ADAM10: variants seen among roughly 807,000 people sequenced by gnomAD.
The protein encoded by ADAM10 is disintegrin and metalloproteinase domain-containing protein 10.
Under a neutral mutation model 90.1 loss-of-function variants are expected in ADAM10, and 17 were observed. That is an observed-to-expected ratio of 0.19 (90% confidence interval 0.13 to 0.28). The LOEUF is 0.28. Among genes scored for constraint, ADAM10 ranks in the 10% least tolerant of loss-of-function variants. The probability of loss-of-function intolerance (pLI) is 1.00; values close to 1 mark genes in which losing one functional copy is unlikely to be tolerated. For missense variants in ADAM10, 610 were observed against 914.3 expected (o/e 0.67, Z 4.29); for synonymous variants, 310 against 298.6 (o/e 1.04, Z -0.40).
chr15:58,742,611 A>C (rs1899651501), intron 1 of ADAM10, among the ~76,000 whole-genome samples: 1 of 152,204 alleles, frequency 6.6e-6, no homozygotes, highest in Non-Finnish European at 1.5e-5. Flanking sequence ...TCCTAATACT[A>C]ACGCAAAATC....
chr15:58,713,194 T>C (rs1898533329), intron 2 of ADAM10, among the ~76,000 whole-genome samples: 1 of 152,126 alleles, frequency 6.6e-6, no homozygotes, highest in African/African-American at 2.4e-5. Flanking sequence ...TCAACCTTCC[T>C]AGACTCAAGT....
intron 2 of ADAM10, among the ~76,000 whole-genome samples, chr15:58,695,352 G>A (rs937881712): frequency 6.6e-6 from 1 of 152,178 alleles, no homozygotes. Context: ...AACTTTTGCT[G>A]CCTATCATGT....
chr15:58,638,754 T>A (rs1185340938), intron 8 of ADAM10, among the ~76,000 whole-genome samples: 1 of 151,536 alleles, frequency 6.6e-6, no homozygotes, highest in African/African-American at 2.4e-5. Context: ...AAACACTGAG[T>A]GTCCCAAAAA....
intron 1 of ADAM10, among the ~76,000 whole-genome samples, chr15:58,730,683 G>A (rs930813088): frequency 3.3e-5 from 5 of 152,126 alleles, no homozygotes; most frequent in African/African-American, 7.2e-5. Flanking sequence ...TAGAGAGCTG[G>A]TAAAGCATTA....
In ADAM10 at chr15:58,633,335, T is replaced by C; in HGVS notation, c.1037A>G (p.Lys346Arg). 2 of 1,613,728 alleles carry C rather than the reference T, an allele frequency of 1.2e-6. No homozygotes were observed. The highest frequency in any genetic ancestry group is 1.7e-6 in the Non-Finnish European group (2 of 1,179,778). ...PSGSSGGICE[K>R]SKLYSDGKKK... is the part of the protein sequence containing the mutation. ...CTTACCATCTGAATAGAGTTTACTT[T>C]TTTCACATATTCCTCCAGAGCTTCC... Residue 346 changes from lysine to arginine, a missense_variant, in exon 9 of 16, where the codon AAA becomes AGA. Lys to Arg is a conservative substitution (Grantham distance 26). Coordinates refer to ENST00000260408, the MANE Select transcript of ADAM10 (RefSeq NM_001110.4).
chr15:58,599,393 G>C (rs774500848), intron 15 of ADAM10, among the ~76,000 whole-genome samples: 7 of 150,898 alleles, frequency 4.6e-5, no homozygotes, highest in Non-Finnish European at 8.8e-5. Context: ...CAGACACTCA[G>C]ATAAATTAGC....
intron 8 of ADAM10, among the ~76,000 whole-genome samples, chr15:58,638,487 C>T (rs892587240): frequency 2.6e-5 from 4 of 151,558 alleles, no homozygotes; most frequent in Non-Finnish European, 4.4e-5. Context: ...TGGTGGCGGG[C>T]GCCTGTAGAC....
chr15:58,606,474 T>A (rs1895277162), intron 14 of ADAM10, among the ~76,000 whole-genome samples: 1 of 152,240 alleles, frequency 6.6e-6, no homozygotes, highest in African/African-American at 2.4e-5. Flanking sequence ...ATTTGAGAAA[T>A]CTGCTTCATT....
chr15:58,638,632 A>G (rs200388002), intron 8 of ADAM10, among the ~76,000 whole-genome samples: 1,700 of 151,004 alleles, frequency 0.011, 28 homozygotes, highest in East Asian at 0.045. Context: ...AAAAAAAAAA[A>G]AAAGAAAATA....
At chr15:58,652,317 G>C (rs575898707) in intron 5 of ADAM10, among the ~76,000 whole-genome samples, 25 of 152,186 alleles carry the variant, frequency 1.6e-4, no homozygotes, top group African/African-American at 5.8e-4. Context: ...AGAAATTTTT[G>C]TCCACATGAA....
intron 14 of ADAM10, chr15:58,609,563 G>A (rs1299662008): frequency 1.3e-5 from 2 of 153,094 alleles, no homozygotes; most frequent in African/African-American, 4.8e-5. Context: ...TGAGAAAGGG[G>A]AATGTGAGTT....
chr15:58,593,093 C>T lies in ADAM10; in HGVS notation c.*4454G>A, dbSNP rs1407964273. On this transcript the variant is annotated 3_prime_UTR_variant, in exon 16 of 16. Coordinates refer to ENST00000260408, the MANE Select transcript of ADAM10 (RefSeq NM_001110.4). ...GAGAAAGGTGGGTTACAAAAGTGTG[C>T]ATATTATGTTTTTGTCACACACATA... 3 of 140,476 alleles carry T rather than the reference C, an allele frequency of 2.1e-5. No individual in the cohort carries two copies. Among genetic ancestry groups the T allele is most frequent in the African/African-American group, 7.9e-5 (3 of 37,938 alleles). The allele number at this position is 140,476 out of a possible 1,614,324, so 8.7% of individuals were successfully genotyped here. A position where few individuals can be genotyped will look rare whatever the true frequency, so the allele number is the denominator to read the frequency against.
chr15:58,628,694 C>A (rs1460453638), intron 9 of ADAM10, among the ~76,000 whole-genome samples: 11 of 152,168 alleles, frequency 7.2e-5, no homozygotes, highest in African/African-American at 2.7e-4. Flanking sequence ...CACAATGCCC[C>A]TCAAACAATT....
rs1172720093 is a variant in ADAM10 at position 58,595,853 on chromosome 15, T to C, written c.*1694A>G. The C allele has an allele frequency of 1.3e-5, 2 of 152,172 alleles. No individual in the cohort carries two copies. Among genetic ancestry groups the C allele is most frequent in the African/African-American group, 2.4e-5 (1 of 41,458 alleles). 9.4% of individuals were successfully genotyped at this position (152,172 alleles called of 1,614,324 possible). A position where few individuals can be genotyped will look rare whatever the true frequency, so the allele number is the denominator to read the frequency against. On this transcript the variant is annotated 3_prime_UTR_variant, in exon 16 of 16. Transcript: ENST00000260408. ...CAAAAACAAAGGCATTTAAATGATT[T>C]AAAAGCAATTACATACATATCTACC... is the stretch of plus-strand genomic sequence containing the variant.
intron 10 of ADAM10, among the ~76,000 whole-genome samples, chr15:58,623,997 A>AAG (rs148269258): frequency 0.013 from 1,862 of 148,550 alleles, 28 homozygotes; most frequent in Middle Eastern, 0.045. Flanking sequence ...AAAAAAAAAA[A>AAG]GGGGGGGCCA....
intron 5 of ADAM10, among the ~76,000 whole-genome samples, chr15:58,656,181 T>C (rs1402392882): frequency 6.6e-6 from 1 of 152,190 alleles, no homozygotes; most frequent in Non-Finnish European, 1.5e-5. Flanking sequence ...CACCATTTTA[T>C]TTTCAGTCTA....
At chr15:58,667,060 T>C (rs1181427915) in intron 4 of ADAM10, among the ~76,000 whole-genome samples, 1 of 152,148 alleles carries the variant, frequency 6.6e-6, no homozygotes. Context: ...GTTCAACTAA[T>C]GAATAAGCCC....
At chr15:58,686,834 T>G (rs1897616867) in intron 2 of ADAM10, among the ~76,000 whole-genome samples, 1 of 152,168 alleles carries the variant, frequency 6.6e-6, no homozygotes, top group African/African-American at 2.4e-5. Flanking sequence ...TAATAGCTTG[T>G]TTTTTTGTGC....
At chr15:58,599,772 AT>A in intron 14 of ADAM10, 48 bp from the exon 15 acceptor site, 1 of 1,561,454 alleles carries the variant, frequency 6.4e-7, no homozygotes, top group Non-Finnish European at 8.8e-7. Context: ...ACTACAAAAT[AT>A]TTTAGAGTAT....
Sources: gnomAD v4.1 joint callset for allele counts (sites outside exome capture counted in the v4.1 genomes callset) on GRCh38, gnomAD v4.1.1 for gene constraint, MANE v1.5 for transcripts, NCBI Gene and HGNC (gene_info 2026-07-23, HGNC 2026-07-21) for gene names.